Variants in DMD observed in about 807,000 individuals in gnomAD.
DMD encodes the protein dystrophin.
Under a neutral mutation model 330.1 loss-of-function variants are expected in DMD, and 63 were observed. The ratio of observed to expected loss-of-function variants is 0.19; its 90% CI spans 0.16 to 0.24. The LOEUF is 0.24. Among genes scored for constraint, DMD ranks in the 10% least tolerant of loss-of-function variants. The pLI is 1.00. For missense variants in DMD, 3,344 were observed against 2,684.1 expected, an observed-to-expected ratio of 1.25 and a Z score of -5.43; for synonymous variants, 1,223 against 959.8, an observed-to-expected ratio of 1.27 and a Z score of -5.07.
intron 60 of DMD, among the ~76,000 whole-genome samples, chrX:31,391,032 T>C (rs1161886881): frequency 8.9e-6 from 1 of 112,206 alleles, no homozygotes; most frequent in Non-Finnish European, 1.9e-5. Context: ...CTTCAGATTT[T>C]AGCTTAAATA....
At chrX:31,457,813 A>T (rs2149147705) in intron 59 of DMD, among the ~76,000 whole-genome samples, 1 of 111,739 alleles carries the variant, frequency 8.9e-6, no homozygotes, top group South Asian at 3.7e-4. Context: ...TACTGATTTG[A>T]TTTTTCATTC....
intron 47 of DMD, among the ~76,000 whole-genome samples, chrX:31,914,377 C>A (rs967288698): frequency 8.9e-6 from 1 of 112,137 alleles, no homozygotes; most frequent in African/African-American, 3.2e-5. Context: ...AATCCCACTG[C>A]TGGGTATATA....
intron 2 of DMD, among the ~76,000 whole-genome samples, chrX:32,935,117 T>C (rs1052580012): frequency 1.8e-5 from 2 of 112,398 alleles, no homozygotes; most frequent in South Asian, 3.6e-4. Flanking sequence ...TAGCTGGGAC[T>C]ACAGGCGCCC....
At chrX:32,014,177 T>C (rs1018932219) in intron 44 of DMD, among the ~76,000 whole-genome samples, 1 of 112,250 alleles carries the variant, frequency 8.9e-6, no homozygotes, top group African/African-American at 3.2e-5. Context: ...TTAGTGTATG[T>C]AACATGAATC....
chrX:31,332,459 T>G (rs2057181090), intron 61 of DMD, among the ~76,000 whole-genome samples: 1 of 111,560 alleles, frequency 9.0e-6, no homozygotes, highest in Admixed American at 9.5e-5. Flanking sequence ...GGAAACAGTA[T>G]CATAAAGATT....
At chrX:31,481,116 G>A (rs768653430) in intron 57 of DMD, among the ~76,000 whole-genome samples, 1 of 111,913 alleles carries the variant, frequency 8.9e-6, no homozygotes, top group South Asian at 3.7e-4. Context: ...ACAAGGAGAG[G>A]GCATGTCCAA....
At chrX:31,890,753 A>C (rs1270548934) in intron 47 of DMD, among the ~76,000 whole-genome samples, 1 of 111,690 alleles carries the variant, frequency 9.0e-6, no homozygotes, top group African/African-American at 3.2e-5. Context: ...TTCTGTCTAG[A>C]AAGCTTGTTT....
At chrX:33,250,016 T>C (rs1313457662) in intron 1 of DMD, among the ~76,000 whole-genome samples, 1 of 105,404 alleles carries the variant, frequency 9.5e-6, no homozygotes, top group Non-Finnish European at 1.9e-5. Flanking sequence ...CATTCATCGA[T>C]ATTGTTTTGT....
intron 67 of DMD, among the ~76,000 whole-genome samples, chrX:31,203,288 G>GAAAAAAAA (rs775067715): frequency 4.3e-5 from 3 of 69,662 alleles, no homozygotes; most frequent in Non-Finnish European, 7.6e-5. Context: ...ACTCAAAAAA[G>GAAAAAAAA]AAAAAAAAAA....
chrX:32,287,234 C>G (rs1419059946), intron 43 of DMD, among the ~76,000 whole-genome samples: 3 of 111,479 alleles, frequency 2.7e-5, no homozygotes, highest in African/African-American at 6.5e-5. Flanking sequence ...TATGTTATAT[C>G]GAACAACTGT....
chrX:32,854,303 C>A lies in DMD; in HGVS notation c.94-4483G>T, dbSNP rs1240190658. ...ATGGGCCATATGTTAGGCCACAAAA[C>A]AAGCCTTAAATTCAAAAAATTGAAA... On this transcript the variant is annotated intron_variant, in intron 2 of 78. Transcript: ENST00000357033. 3.6e-5 allele frequency among the ~76,000 whole-genome samples: 4 copies of A among 111,821 alleles called. No individual in the cohort carries two copies. In the East Asian group the frequency reaches 1.1e-3, roughly 31 times the overall value.
chrX:32,257,985 C>A (rs1471475104), intron 43 of DMD, among the ~76,000 whole-genome samples: 1 of 109,872 alleles, frequency 9.1e-6, no homozygotes, highest in African/African-American at 3.3e-5. Context: ...AAAAAAAACC[C>A]ATCAGAAAGT....
intron 2 of DMD, among the ~76,000 whole-genome samples, chrX:33,008,252 T>C (rs1034035284): frequency 3.6e-5 from 4 of 111,794 alleles, no homozygotes; most frequent in African/African-American, 1.3e-4. Flanking sequence ...GCCTTTTATG[T>C]TCCAAGATAC....
chrX:32,114,611 G>T (rs775157346), intron 44 of DMD, among the ~76,000 whole-genome samples: 36 of 111,673 alleles, frequency 3.2e-4, no homozygotes, highest in Non-Finnish European at 5.8e-4. Flanking sequence ...CCTCCCAGAT[G>T]AGCTAATCTA....
intron 48 of DMD, among the ~76,000 whole-genome samples, chrX:31,861,736 T>TACACACACACACACAC (rs753295784): frequency 1.1e-3 from 83 of 76,868 alleles, no homozygotes; most frequent in East Asian, 3.4e-3. Flanking sequence ...AAGAGTGCTA[T>TACACACACACACACAC]ACACACACAC....
chrX:32,152,540 A>T (rs1477546029), intron 44 of DMD, among the ~76,000 whole-genome samples: 1 of 111,224 alleles, frequency 9.0e-6, no homozygotes, highest in African/African-American at 3.3e-5. Context: ...TTTTAATAAC[A>T]CTCACACACA....
chrX:31,842,844 A>G (rs1168720124), intron 48 of DMD, among the ~76,000 whole-genome samples: 3 of 111,289 alleles, frequency 2.7e-5, no homozygotes, highest in Non-Finnish European at 5.7e-5. Flanking sequence ...ACCGTATCTA[A>G]TAGTTAGTTT....
intron 23 of DMD, among the ~76,000 whole-genome samples, chrX:32,466,306 C>T (rs757711434): frequency 1.8e-5 from 2 of 111,596 alleles, no homozygotes; most frequent in South Asian, 7.6e-4. Flanking sequence ...TATTAGCTAA[C>T]TAAATTCTAC....
chrX:32,795,567 G>A (rs752345786), intron 7 of DMD, among the ~76,000 whole-genome samples: 1 of 111,837 alleles, frequency 8.9e-6, no homozygotes, highest in Admixed American at 9.5e-5. Flanking sequence ...AAGATTTTAT[G>A]GTTATGACCT....
Sources: gnomAD v4.1 joint callset for allele counts (sites outside exome capture counted in the v4.1 genomes callset) on GRCh38, gnomAD v4.1.1 for gene constraint, MANE v1.5 for transcripts, NCBI Gene and HGNC (gene_info 2026-07-23, HGNC 2026-07-21) for gene names.